Variants in ZFHX4 observed in about 807,000 individuals in gnomAD.
ZFHX4 encodes zinc finger homeobox protein 4.
A neutral mutation model predicts 267.6 loss-of-function variants in ZFHX4; 56 were observed. The ratio of observed to expected loss-of-function variants is 0.21; its 90% CI spans 0.17 to 0.26. ZFHX4 has a LOEUF of 0.26. Ranked by LOEUF, ZFHX4 falls within the 10% of genes least tolerant of loss-of-function variation. The pLI is 1.00. For missense variants in ZFHX4, 4,332 were observed against 4,420.0 expected, an observed-to-expected ratio of 0.98 and a Z score of 0.56; for synonymous variants, 1,778 against 1,665.6, an observed-to-expected ratio of 1.07 and a Z score of -1.64.
intron 4 of ZFHX4, among the ~76,000 whole-genome samples, chr8:76,782,829 G>T (rs182022119): frequency 2.6e-5 from 4 of 151,990 alleles, no homozygotes; most frequent in African/African-American, 9.6e-5. Context: ...AATCATAATC[G>T]TTTTTCATTG....
chr8:76,704,088 C>A lies in ZFHX4; in HGVS notation c.-1C>A. ...AATGAGATCCCCATGTAGCAATTGC[C>A]ATGGAAACCTGTGACTCCCCTCCTA... On this transcript the variant is annotated 5_prime_UTR_variant, in exon 2 of 11. Coordinates refer to ENST00000651372, the MANE Select transcript of ZFHX4 (RefSeq NM_024721.5). 3 of 1,600,892 alleles carry A rather than the reference C, an allele frequency of 1.9e-6. No individual in the cohort carries two copies. Among genetic ancestry groups the A allele is most frequent in the Non-Finnish European group, 2.6e-6 (3 of 1,173,202 alleles).
At position 76,842,822 on chromosome 8, in the gene ZFHX4, C is replaced by A. The variant is rs190668680; in HGVS notation, c.3511+51C>A. 8.8e-5 allele frequency: 115 copies of A among 1,303,202 alleles called. No homozygotes were observed. The African/African-American group carries it at 1.4e-3, about 16-fold the overall frequency. 80.7% of individuals were successfully genotyped at this position (1,303,202 alleles called of 1,614,324 possible). A position where few individuals can be genotyped will look rare whatever the true frequency, so the allele number is the denominator to read the frequency against. On this transcript the variant is annotated intron_variant, in intron 6 of 10. Coordinates refer to ENST00000651372, the MANE Select transcript of ZFHX4 (RefSeq NM_024721.5). Reference sequence around the variant, plus strand: ...GGCATTTCCCTATACCCATTCCCTGCCATCAACTCTTCCTTCACCATCCCC... The same window carrying A: ...GGCATTTCCCTATACCCATTCCCTGACATCAACTCTTCCTTCACCATCCCC...
At chr8:76,769,180 A>G (rs1318012146) in intron 3 of ZFHX4, among the ~76,000 whole-genome samples, 1 of 152,164 alleles carries the variant, frequency 6.6e-6, no homozygotes, top group Non-Finnish European at 1.5e-5. Flanking sequence ...AATGTCAAAT[A>G]TTGCAGGGGG....
At chr8:76,751,794 A>T (rs1245968859) in intron 3 of ZFHX4, among the ~76,000 whole-genome samples, 2 of 152,180 alleles carry the variant, frequency 1.3e-5, no homozygotes, top group Non-Finnish European at 2.9e-5. Flanking sequence ...TTTGCTTTGC[A>T]TCTCTGGGAA....
chr8:76,808,933 T>TCTCA (rs1272374028), intron 4 of ZFHX4, among the ~76,000 whole-genome samples: 44 of 145,126 alleles, frequency 3.0e-4, no homozygotes, highest in African/African-American at 1.1e-3. Flanking sequence ...TCTCTCTCTC[T>TCTCA]CACACACACA....
chr8:76,682,512 C>T (rs971099494), intron 1 of ZFHX4: 1 of 152,430 alleles, frequency 6.6e-6, no homozygotes, highest in African/African-American at 2.4e-5. Flanking sequence ...AAAGGCAGGT[C>T]CGTTAGGAGG....
intron 4 of ZFHX4, among the ~76,000 whole-genome samples, chr8:76,810,468 A>C (rs1193190757): frequency 1.3e-5 from 2 of 152,176 alleles, no homozygotes; most frequent in South Asian, 2.1e-4. Flanking sequence ...TGCTGGTAAT[A>C]GAACAAAATG....
At chr8:76,735,109 C>T (rs1049047845) in intron 3 of ZFHX4, among the ~76,000 whole-genome samples, 3 of 152,036 alleles carry the variant, frequency 2.0e-5, no homozygotes, top group Non-Finnish European at 2.9e-5. Context: ...GTATATCTGA[C>T]GAAATCAGCA....
chr8:76,682,360 C>T (rs577539857), intron 1 of ZFHX4, among the ~76,000 whole-genome samples: 28 of 152,236 alleles, frequency 1.8e-4, no homozygotes, highest in African/African-American at 6.3e-4. Flanking sequence ...CCCGGGGGTT[C>T]GTGAGCTCTG....
At chr8:76,753,954 T>C (rs1809695107) in intron 3 of ZFHX4, among the ~76,000 whole-genome samples, 2 of 151,800 alleles carry the variant, frequency 1.3e-5, no homozygotes, top group Admixed American at 6.6e-5. Flanking sequence ...AAAAAAATTA[T>C]TTTATAAGTT....
intron 4 of ZFHX4, among the ~76,000 whole-genome samples, chr8:76,803,378 C>A (rs759002550): frequency 6.6e-6 from 1 of 151,870 alleles, no homozygotes; most frequent in Non-Finnish European, 1.5e-5. Context: ...AAAATAGCCA[C>A]GAATTTAATA....
At chr8:76,839,660 G>C (rs1462319957) in intron 5 of ZFHX4, among the ~76,000 whole-genome samples, 1 of 152,134 alleles carries the variant, frequency 6.6e-6, no homozygotes, top group Non-Finnish European at 1.5e-5. Context: ...TAATATATTA[G>C]TGAAGAGGCT....
At chr8:76,846,356 G>C (rs1055928645) in intron 6 of ZFHX4, among the ~76,000 whole-genome samples, 4 of 151,968 alleles carry the variant, frequency 2.6e-5, no homozygotes, top group African/African-American at 4.8e-5. Flanking sequence ...AGATGTTCTA[G>C]CTTTTATTTA....
intron 8 of ZFHX4, chr8:76,850,036 C>T (rs1812469555): frequency 6.9e-6 from 4 of 583,334 alleles, no homozygotes; most frequent in Admixed American, 3.2e-5. Flanking sequence ...CCTACAGGAA[C>T]CTTTAAGCCA....
At chr8:76,862,976 A>G (rs1278945049) in intron 10 of ZFHX4, 118 bp from the exon 11 acceptor site, 2 of 1,379,878 alleles carry the variant, frequency 1.4e-6, no homozygotes, top group East Asian at 2.6e-5. Context: ...TATTGTGTGT[A>G]ATACATCTTT....
intron 3 of ZFHX4, among the ~76,000 whole-genome samples, chr8:76,730,354 G>C (rs1407957458): frequency 1.3e-5 from 2 of 152,138 alleles, no homozygotes; most frequent in African/African-American, 4.8e-5. Flanking sequence ...ATCATATGCT[G>C]TTACAAAAAT....
At chr8:76,856,997 C>T (rs180694705) in intron 10 of ZFHX4, among the ~76,000 whole-genome samples, 2 of 152,236 alleles carry the variant, frequency 1.3e-5, no homozygotes, top group African/African-American at 2.4e-5. Flanking sequence ...TGCCTTTATT[C>T]CCTCACCCCT....
At chr8:76,831,290 A>G (rs928641211) in intron 4 of ZFHX4, among the ~76,000 whole-genome samples, 3 of 152,222 alleles carry the variant, frequency 2.0e-5, no homozygotes, top group African/African-American at 7.2e-5. Context: ...ACAAGTCTAT[A>G]TGATACGTTG....
chr8:76,781,514 A>G (rs1810546195), intron 4 of ZFHX4, among the ~76,000 whole-genome samples: 1 of 152,102 alleles, frequency 6.6e-6, no homozygotes, highest in Non-Finnish European at 1.5e-5. Context: ...GAAAAACAAT[A>G]CAAGCCTGGT....
Sources: allele counts gnomAD v4.1 joint callset (sites outside exome capture counted in the v4.1 genomes callset), GRCh38; gene constraint gnomAD v4.1.1; transcripts MANE v1.5; gene names NCBI Gene and HGNC (gene_info 2026-07-23, HGNC 2026-07-21).